Variants in MYO3B observed in about 807,000 individuals in gnomAD.
The protein encoded by MYO3B is myosin-IIIb.
A neutral mutation model predicts 174.6 loss-of-function variants in MYO3B; 156 were observed. The ratio of observed to expected loss-of-function variants is 0.89; its 90% confidence interval spans 0.78 to 1.02. The LOEUF (loss-of-function observed/expected upper bound fraction) is 1.02. MYO3B is among the 50% of genes least tolerant of loss of function. The probability of loss-of-function intolerance (pLI) is 0.00; values close to 1 mark genes in which losing one functional copy is unlikely to be tolerated. For missense variants in MYO3B, 1,632 were observed against 1,639.4 expected (o/e 1.00, Z 0.08); for synonymous variants, 563 against 569.1 (o/e 0.99, Z 0.15).
intron 3 of MYO3B, among the ~76,000 whole-genome samples, chr2:170,214,070 A>T (rs7596261): frequency 0.4 from 60,984 of 152,110 alleles, 12,182 homozygotes; most frequent in East Asian, 0.46. Flanking sequence ...TTCCAAAAAT[A>T]TTCTTTGTAA....
At chr2:170,514,508 C>G (rs1688176523) in intron 28 of MYO3B, among the ~76,000 whole-genome samples, 1 of 152,196 alleles carries the variant, frequency 6.6e-6, no homozygotes. Context: ...GCTCACCCTT[C>G]TGTTTACTTC....
intron 32 of MYO3B, among the ~76,000 whole-genome samples, chr2:170,641,858 T>TGGGGGGGG (rs71008706): frequency 4.2e-4 from 12 of 28,848 alleles, no homozygotes; most frequent in Admixed American, 5.0e-4. Context: ...TATTGTTAAG[T>TGGGGGGGG]GGGGGGGGGG....
chr2:170,362,204 A>G (rs549414255), intron 8 of MYO3B, among the ~76,000 whole-genome samples: 16 of 152,246 alleles, frequency 1.1e-4, no homozygotes, highest in South Asian at 2.1e-4. Flanking sequence ...ACCACCCTAT[A>G]TGTTTTCTTT....
chr2:170,394,660 C>T, intron 16 of MYO3B, among the ~76,000 whole-genome samples: 1 of 152,176 alleles, frequency 6.6e-6, no homozygotes, highest in East Asian at 1.9e-4. Context: ...CACCATGTCC[C>T]ACATTAATTC....
intron 11 of MYO3B, among the ~76,000 whole-genome samples, chr2:170,383,506 G>T (rs1283298495): frequency 6.6e-6 from 1 of 152,150 alleles, no homozygotes; most frequent in African/African-American, 2.4e-5. Flanking sequence ...AGCATAGAGT[G>T]AACTCCCTCT....
intron 7 of MYO3B, among the ~76,000 whole-genome samples, chr2:170,236,988 A>G (rs1226036712): frequency 4.6e-5 from 7 of 152,194 alleles, no homozygotes; most frequent in African/African-American, 1.2e-4. Context: ...GATTAGGTCT[A>G]TTTATATGCA....
intron 7 of MYO3B, among the ~76,000 whole-genome samples, chr2:170,272,081 A>ACTTT (rs2093429272): frequency 4.2e-5 from 1 of 24,022 alleles, no homozygotes; most frequent in Non-Finnish European, 1.2e-4. Context: ...CAGAAGGGAA[A>ACTTT]CTTTTTTTTT....
chr2:170,183,265 A>AC (rs2092425871), intron 1 of MYO3B, among the ~76,000 whole-genome samples: 1 of 152,108 alleles, frequency 6.6e-6, no homozygotes, highest in African/African-American at 2.4e-5. Flanking sequence ...TCAAAAAAAA[A>AC]CAATTATTTA....
At chr2:170,582,769 C>G (rs1693234671) in intron 32 of MYO3B, among the ~76,000 whole-genome samples, 1 of 152,050 alleles carries the variant, frequency 6.6e-6, no homozygotes, top group Admixed American at 6.6e-5. Context: ...ATATTCAGGC[C>G]TTTTGTTAAG....
intron 22 of MYO3B, among the ~76,000 whole-genome samples, chr2:170,412,691 G>A (rs1182712475): frequency 1.3e-5 from 2 of 152,162 alleles, no homozygotes; most frequent in Non-Finnish European, 2.9e-5. Context: ...TTAAGAGAGC[G>A]CCTTTTGGTA....
intron 32 of MYO3B, among the ~76,000 whole-genome samples, chr2:170,547,595 G>A (rs1236682293): frequency 1.3e-5 from 2 of 152,038 alleles, no homozygotes; most frequent in Non-Finnish European, 2.9e-5. Context: ...TATGTGCCAG[G>A]AACTGAGCAG....
chr2:170,620,189 A>C (rs949160980), intron 32 of MYO3B, among the ~76,000 whole-genome samples: 4 of 152,036 alleles, frequency 2.6e-5, no homozygotes, highest in African/African-American at 9.7e-5. Context: ...TGCTTTTTCC[A>C]AACCAAAAAA....
intron 1 of MYO3B, among the ~76,000 whole-genome samples, chr2:170,195,296 C>T (rs936848187): frequency 6.6e-6 from 1 of 151,900 alleles, no homozygotes; most frequent in Non-Finnish European, 1.5e-5. Flanking sequence ...TATCCTGTAC[C>T]CATATAAACC....
chr2:170,436,212 G>C (rs1412355857), intron 22 of MYO3B, among the ~76,000 whole-genome samples: 1 of 152,174 alleles, frequency 6.6e-6, no homozygotes, highest in Non-Finnish European at 1.5e-5. Context: ...AGCACAGAAG[G>C]GTGTTCTGGG....
Position 170,402,957 on chromosome 2 carries a change from C to G in MYO3B, c.2239C>G (p.Gln747Glu). The G allele has an allele frequency of 6.2e-7, 1 of 1,608,480 alleles. No individual in the cohort carries two copies. Among genetic ancestry groups the G allele is most frequent in the South Asian group, 1.1e-5 (1 of 90,442 alleles). ...LCINIANEQI[Q>E]YYFNQHVFAL... The stretch of plus-strand genomic sequence containing the variant: ...CATAAACATCGCCAATGAGCAAATC[C>G]AGTACTATTTCAATCAGCATGTTTT... Residue 747 changes from glutamine (Q) to glutamate (E), a missense_variant, in exon 19 of 35, where the codon CAG becomes GAG. Transcript: ENST00000408978.
Position 170,199,214 on chromosome 2 carries a change from T to G in MYO3B, c.9T>G (p.His3Gln), listed in dbSNP as rs1366118573. The G allele has an allele frequency of 1.2e-6, 2 of 1,608,126 alleles. No homozygotes were observed. Among genetic ancestry groups the G allele is most frequent in the Non-Finnish European group, 1.7e-6 (2 of 1,177,174 alleles). ...AAATTTTTCCCCCAACCAGGAAACA[T>G]CTGTATGGATTATTTCACTATAATC... MKHLYGLFHYNPM... is the reference protein window; with the variant it reads MKQLYGLFHYNPM... The change falls in exon 2 of 35, where the codon CAT becomes CAG. Residue 3 changes from histidine (H) to glutamine (Q), a missense_variant. Physicochemically the swap from His to Gln is conservative, Grantham distance 24. Transcript: ENST00000408978.
At chr2:170,543,405 C>G (rs1286059257) in intron 31 of MYO3B, among the ~76,000 whole-genome samples, 1 of 152,110 alleles carries the variant, frequency 6.6e-6, no homozygotes, top group Non-Finnish European at 1.5e-5. Context: ...TTGCTGCCTA[C>G]TATTTGATGT....
At chr2:170,636,620 G>C (rs1056416770) in intron 32 of MYO3B, among the ~76,000 whole-genome samples, 1 of 152,102 alleles carries the variant, frequency 6.6e-6, no homozygotes, top group Admixed American at 6.6e-5. Flanking sequence ...AAGTGGGAAG[G>C]TGCCAAGTCA....
intron 23 of MYO3B, among the ~76,000 whole-genome samples, chr2:170,445,100 T>C (rs779925133): frequency 3.3e-5 from 5 of 152,238 alleles, no homozygotes; most frequent in Non-Finnish European, 7.3e-5. Context: ...GATCAATGCA[T>C]AACCTCATTT....
Sources: allele counts gnomAD v4.1 joint callset (sites outside exome capture counted in the v4.1 genomes callset), GRCh38; gene constraint gnomAD v4.1.1; transcripts MANE v1.5; gene names NCBI Gene and HGNC (gene_info 2026-07-23, HGNC 2026-07-21).